CTNND2: variants seen among roughly 807,000 people sequenced by gnomAD.
CTNND2 encodes catenin delta-2.
Under a neutral mutation model 144.4 loss-of-function variants are expected in CTNND2, and 22 were observed. The ratio of observed to expected loss-of-function variants is 0.15; its 90% CI spans 0.11 to 0.22. CTNND2 has a LOEUF of 0.22. Ranked by LOEUF, CTNND2 falls within the 10% of genes least tolerant of loss-of-function variation. The pLI, the probability that CTNND2 is intolerant of heterozygous loss-of-function variation, is 1.00. For synonymous variants in CTNND2, 751 were observed against 695.6 expected (o/e 1.08, Z -1.25); for missense variants, 1,353 against 1,618.8 (o/e 0.84, Z 2.82).
intron 1 of CTNND2, among the ~76,000 whole-genome samples, chr5:11,896,664 G>C (rs1326223079): frequency 6.6e-6 from 1 of 152,014 alleles, no homozygotes; most frequent in Non-Finnish European, 1.5e-5. Context: ...GATATATTTA[G>C]TGGAAAAGTA....
At position 11,614,096 on chromosome 5, in the gene CTNND2, ACTT is replaced by A. The variant is rs370808467; in HGVS notation, c.175-49043_175-49041del. On this transcript the variant is annotated intron_variant, in intron 2 of 21. Coordinates refer to ENST00000304623, the MANE Select transcript of CTNND2 (RefSeq NM_001332.4). Reference sequence around the variant, plus strand: ...CCTTGACAATGGACATTTTTCCTATACTTCTTTTTTTAAAATAGTGTGATTATT... The same window carrying A: ...CCTTGACAATGGACATTTTTCCTATACTTTTTTTAAAATAGTGTGATTATT... Among the ~76,000 whole-genome samples the A allele has an allele frequency of 1.6e-4, 25 of 152,258 alleles. No homozygotes were observed. In the East Asian group the frequency reaches 2.7e-3, roughly 16 times the overall value.
chr5:11,067,226 T>C (rs1255607889), intron 16 of CTNND2, among the ~76,000 whole-genome samples: 4 of 152,200 alleles, frequency 2.6e-5, no homozygotes, highest in Non-Finnish European at 4.4e-5. Flanking sequence ...AAGCAGAGAA[T>C]AGTGTTTAAG....
chr5:11,632,147 G>A (rs1347445826), intron 2 of CTNND2, among the ~76,000 whole-genome samples: 1 of 152,128 alleles, frequency 6.6e-6, no homozygotes, highest in African/African-American at 2.4e-5. Flanking sequence ...TTTTCCAGAA[G>A]GACTCTAAGA....
intron 1 of CTNND2, among the ~76,000 whole-genome samples, chr5:11,746,204 G>A (rs1294462352): frequency 1.3e-5 from 2 of 152,014 alleles, no homozygotes; most frequent in Admixed American, 6.6e-5. Context: ...TTGTGAACAC[G>A]CAGAGTTCTC....
chr5:11,613,891 C>T (rs1467586739), intron 2 of CTNND2, among the ~76,000 whole-genome samples: 2 of 152,210 alleles, frequency 1.3e-5, no homozygotes, highest in Non-Finnish European at 2.9e-5. Context: ...AACAAAACCC[C>T]ATGTCCCCTT....
chr5:11,807,525 G>A (rs1243970547), intron 1 of CTNND2, among the ~76,000 whole-genome samples: 1 of 152,140 alleles, frequency 6.6e-6, no homozygotes, highest in Admixed American at 6.6e-5. Context: ...ATGTCATCGA[G>A]TTCAAAGGAA....
intron 13 of CTNND2, among the ~76,000 whole-genome samples, chr5:11,111,950 C>T (rs1418243402): frequency 1.3e-5 from 2 of 151,646 alleles, no homozygotes; most frequent in Non-Finnish European, 2.9e-5. Flanking sequence ...AGGTTCAGAC[C>T]ATTCTCCTGC....
chr5:11,618,085 A>G (rs1408542165), intron 2 of CTNND2, among the ~76,000 whole-genome samples: 4 of 150,080 alleles, frequency 2.7e-5, no homozygotes, highest in Non-Finnish European at 4.4e-5. Context: ...TAACCCTATC[A>G]GGCTTTTTTT....
intron 3 of CTNND2, among the ~76,000 whole-genome samples, chr5:11,559,031 C>T (rs1379217136): frequency 6.6e-6 from 1 of 152,178 alleles, no homozygotes; most frequent in Admixed American, 6.5e-5. Flanking sequence ...CTGGAATTTA[C>T]AAGATCCCCC....
At chr5:11,007,044 A>G (rs1032921618) in intron 18 of CTNND2, among the ~76,000 whole-genome samples, 2 of 152,242 alleles carry the variant, frequency 1.3e-5, no homozygotes, top group Admixed American at 6.5e-5. Flanking sequence ...GCTAAAACGC[A>G]TGCCACTGTG....
intron 2 of CTNND2, among the ~76,000 whole-genome samples, chr5:11,629,666 CTTATT>C (rs1254589209): frequency 6.6e-6 from 1 of 152,040 alleles, no homozygotes; most frequent in Non-Finnish European, 1.5e-5. Flanking sequence ...AAGTTCATTT[CTTATT>C]TTATTTTATG....
intron 15 of CTNND2, among the ~76,000 whole-genome samples, chr5:11,086,121 G>T (rs1223038406): frequency 6.6e-6 from 1 of 152,156 alleles, no homozygotes; most frequent in African/African-American, 2.4e-5. Flanking sequence ...CTGCAGAGGG[G>T]TTACTTGGCC....
At chr5:11,485,499 G>A (rs1004944472) in intron 3 of CTNND2, among the ~76,000 whole-genome samples, 1 of 152,066 alleles carries the variant, frequency 6.6e-6, no homozygotes, top group Non-Finnish European at 1.5e-5. Context: ...AACCAGTTTT[G>A]AAAAAGAAAA....
chr5:11,532,338 A>AT (rs5865955), intron 3 of CTNND2, among the ~76,000 whole-genome samples: 27,742 of 144,504 alleles, frequency 0.19, 2,913 homozygotes, highest in Admixed American at 0.29. Context: ...CCTCAAGAAC[A>AT]TCCCCAATAA....
At chr5:11,389,267 AAC>A (rs1272710550) in intron 6 of CTNND2, among the ~76,000 whole-genome samples, 1 of 152,198 alleles carries the variant, frequency 6.6e-6, no homozygotes, top group Non-Finnish European at 1.5e-5. Flanking sequence ...TTCACAGATA[AAC>A]AACCCCATCA....
At chr5:11,659,269 G>A (rs957526686) in intron 2 of CTNND2, among the ~76,000 whole-genome samples, 1 of 152,094 alleles carries the variant, frequency 6.6e-6, no homozygotes, top group Non-Finnish European at 1.5e-5. Context: ...AATGTGCATA[G>A]GTTATATGCA....
intron 10 of CTNND2, among the ~76,000 whole-genome samples, chr5:11,233,711 C>CGTGTGTGT (rs1376083548): frequency 1.8e-5 from 2 of 111,846 alleles, no homozygotes; most frequent in African/African-American, 3.6e-5. Flanking sequence ...TTAGAGTTTA[C>CGTGTGTGT]GTGTCTGTGT....
chr5:11,368,214 C>A (rs539815331), intron 7 of CTNND2, among the ~76,000 whole-genome samples: 5 of 152,228 alleles, frequency 3.3e-5, no homozygotes, highest in Non-Finnish European at 4.4e-5. Flanking sequence ...AGAGAGCCCC[C>A]CAAAACTGGG....
At chr5:11,128,740 T>TA (rs1440566611) in intron 12 of CTNND2, among the ~76,000 whole-genome samples, 1 of 41,740 alleles carries the variant, frequency 2.4e-5, no homozygotes, top group African/African-American at 1.2e-4. Context: ...AATATATATA[T>TA]TTATATATAT....
Sources: allele counts gnomAD v4.1 joint callset (sites outside exome capture counted in the v4.1 genomes callset), GRCh38; gene constraint gnomAD v4.1.1; transcripts MANE v1.5; gene names NCBI Gene and HGNC (gene_info 2026-07-23, HGNC 2026-07-21).